Variants in COL19A1 observed in about 807,000 individuals in gnomAD.
The protein encoded by COL19A1 is collagen alpha-1(XIX) chain.
Under a neutral mutation model 190.2 loss-of-function variants are expected in COL19A1, and 159 were observed. That is an observed-to-expected ratio of 0.84 (90% CI 0.73 to 0.95). The LOEUF (loss-of-function observed/expected upper bound fraction) is 0.95. Ranked by LOEUF, COL19A1 falls within the 40% of genes least tolerant of loss-of-function variation. The pLI is 0.00. For missense variants in COL19A1, 1,418 were observed against 1,431.9 expected (o/e 0.99, Z 0.16); for synonymous variants, 509 against 458.9 (o/e 1.11, Z -1.39).
chr6:69,946,156 G>GT (rs1163807430), intron 9 of COL19A1, among the ~76,000 whole-genome samples: 3 of 151,988 alleles, frequency 2.0e-5, no homozygotes, highest in Admixed American at 1.3e-4. Context: ...CGGATAGGAT[G>GT]TAGCTTTTAA....
intron 49 of COL19A1, among the ~76,000 whole-genome samples, chr6:70,203,947 G>A (rs558927200): frequency 1.1e-4 from 16 of 151,758 alleles, no homozygotes; most frequent in South Asian, 8.3e-4. Context: ...TGCAACCTCC[G>A]CCTCCTGGGT....
intron 1 of COL19A1, chr6:69,867,369 C>T (rs1162706161): frequency 1.3e-5 from 2 of 154,404 alleles, no homozygotes; most frequent in African/African-American, 4.8e-5. Context: ...CCGCCGCCGT[C>T]CCCGCAGTCC....
intron 41 of COL19A1, 68 bp downstream of exon 41, chr6:70,172,085 T>C (rs1193134530): frequency 5.5e-6 from 8 of 1,441,534 alleles, no homozygotes; most frequent in Non-Finnish European, 7.7e-6. Flanking sequence ...GCACCTAATG[T>C]GCCAAAAACT....
chr6:70,028,554 AT>A (rs1484838931), intron 12 of COL19A1, among the ~76,000 whole-genome samples: 1 of 152,074 alleles, frequency 6.6e-6, no homozygotes, highest in Non-Finnish European at 1.5e-5. Flanking sequence ...TTTTAAGACA[AT>A]TGCTTTTTTT....
intron 4 of COL19A1, among the ~76,000 whole-genome samples, chr6:69,902,949 A>G (rs1024898882): frequency 1.3e-5 from 2 of 152,110 alleles, no homozygotes; most frequent in Non-Finnish European, 2.9e-5. Flanking sequence ...ATAACAGATT[A>G]CTGTTCATCC....
chr6:70,101,329 A>G (rs1209703215), intron 15 of COL19A1, among the ~76,000 whole-genome samples: 1 of 152,170 alleles, frequency 6.6e-6, no homozygotes, highest in Non-Finnish European at 1.5e-5. Flanking sequence ...TTAAAAATTT[A>G]AAAAATAAAA....
At chr6:69,893,673 C>T (rs1398690318) in intron 2 of COL19A1, among the ~76,000 whole-genome samples, 4 of 152,210 alleles carry the variant, frequency 2.6e-5, no homozygotes, top group African/African-American at 9.6e-5. Flanking sequence ...TGCAAAATCT[C>T]TTGTGGGAAA....
chr6:70,048,697 GGTTT>G (rs1780033569), intron 14 of COL19A1, among the ~76,000 whole-genome samples: 1 of 151,834 alleles, frequency 6.6e-6, no homozygotes, highest in African/African-American at 2.4e-5. Flanking sequence ...ATTTACTTTT[GGTTT>G]GTTAAAATCA....
intron 40 of COL19A1, among the ~76,000 whole-genome samples, chr6:70,169,905 T>A (rs802179): frequency 0.03 from 4,501 of 152,226 alleles, 230 homozygotes; most frequent in African/African-American, 0.1. Context: ...GTTCTTGCAT[T>A]AATAACTGCA....
At chr6:69,950,044 A>G (rs1169254044) in intron 9 of COL19A1, among the ~76,000 whole-genome samples, 2 of 151,894 alleles carry the variant, frequency 1.3e-5, no homozygotes, top group Non-Finnish European at 2.9e-5. Flanking sequence ...TACATTAACT[A>G]TACTTTACAC....
chr6:70,025,287 C>T (rs549807472), intron 12 of COL19A1, among the ~76,000 whole-genome samples: 55 of 152,314 alleles, frequency 3.6e-4, no homozygotes, highest in African/African-American at 1.2e-3. Context: ...GCGTCGGCCT[C>T]CCAAAGTGCT....
chr6:69,983,588 T>C (rs552221090), intron 11 of COL19A1, among the ~76,000 whole-genome samples: 7 of 152,292 alleles, frequency 4.6e-5, no homozygotes, highest in Admixed American at 3.3e-4. Context: ...TCACTAAGTA[T>C]GCTGTAGGCT....
At chr6:69,902,889 C>T (rs1770282372) in intron 4 of COL19A1, among the ~76,000 whole-genome samples, 1 of 152,102 alleles carries the variant, frequency 6.6e-6, no homozygotes, top group African/African-American at 2.4e-5. Flanking sequence ...TGGCCAACAC[C>T]AGGTTTTTTT....
intron 36 of COL19A1, among the ~76,000 whole-genome samples, chr6:70,165,672 G>C (rs1457451966): frequency 2.6e-5 from 4 of 151,798 alleles, no homozygotes; most frequent in Non-Finnish European, 5.9e-5. Flanking sequence ...CACCTGGGTT[G>C]TCTGGCTCCA....
intron 11 of COL19A1, among the ~76,000 whole-genome samples, chr6:69,967,317 G>A (rs1186962891): frequency 1.3e-5 from 2 of 152,098 alleles, no homozygotes; most frequent in Non-Finnish European, 2.9e-5. Flanking sequence ...CTGGTCTCTT[G>A]AGGGCCTCTT....
intron 4 of COL19A1, among the ~76,000 whole-genome samples, chr6:69,922,353 T>C (rs1450697711): frequency 1.3e-5 from 2 of 151,378 alleles, no homozygotes; most frequent in Non-Finnish European, 2.9e-5. Context: ...TAAAATATAA[T>C]TGTTATATAT....
At chr6:69,873,705 C>T (rs561973718) in intron 1 of COL19A1, among the ~76,000 whole-genome samples, 59 of 152,230 alleles carry the variant, frequency 3.9e-4, no homozygotes, top group African/African-American at 1.4e-3. Context: ...AATAATTAAC[C>T]CAATGCCTTA....
intron 42 of COL19A1, among the ~76,000 whole-genome samples, chr6:70,177,178 A>G (rs755161219): frequency 2.0e-5 from 3 of 152,148 alleles, no homozygotes; most frequent in African/African-American, 7.2e-5. Flanking sequence ...TCTGATCTTC[A>G]TTCATGATGC....
intron 15 of COL19A1, among the ~76,000 whole-genome samples, chr6:70,099,056 TAAAAAA>T (rs5877239): frequency 3.3e-4 from 25 of 75,888 alleles, no homozygotes; most frequent in Non-Finnish European, 4.9e-4. Flanking sequence ...ACCCTGTCTC[TAAAAAA>T]AAAAAAAAAA....
Sources: gnomAD v4.1 joint callset for allele counts (sites outside exome capture counted in the v4.1 genomes callset) on GRCh38, gnomAD v4.1.1 for gene constraint, MANE v1.5 for transcripts, NCBI Gene and HGNC (gene_info 2026-07-23, HGNC 2026-07-21) for gene names.